ZNF385D: variants seen among roughly 807,000 people sequenced by gnomAD.
ZNF385D encodes zinc finger protein 385D.
In ZNF385D, 15 loss-of-function variants were observed where a neutral mutation model predicts 35.8. That is an observed-to-expected ratio of 0.42 (90% CI 0.28 to 0.64). The LOEUF is 0.64. Ranked by LOEUF, ZNF385D falls within the 30% of genes least tolerant of loss-of-function variation. The pLI, the probability that ZNF385D is intolerant of heterozygous loss-of-function variation, is 0.23. For synonymous variants in ZNF385D, 212 were observed against 186.8 expected (o/e 1.13, Z -1.10); for missense variants, 474 against 494.6 (o/e 0.96, Z 0.39).
intron 3 of ZNF385D, among the ~76,000 whole-genome samples, chr3:21,888,016 T>C (rs559429278): frequency 6.6e-6 from 1 of 152,282 alleles, no homozygotes; most frequent in South Asian, 2.1e-4. Context: ...TAAAATAAAG[T>C]GATTAAATGA....
Position 21,646,012 on chromosome 3 carries a change from A to C in ZNF385D, c.165+18874T>G, listed in dbSNP as rs2065740738. ...GGAGTTTAAATGAGCATTGTGTAAA[A>C]AGCTCATTCAAAGAAGCTCGGTCCT... On this transcript the variant is annotated intron_variant, in intron 2 of 7. Transcript: ENST00000281523. This position sits in a 1 kb window ranked among gnomAD's most constrained non-coding sequence, Gnocchi z 4.3. 6.6e-6 allele frequency among the ~76,000 whole-genome samples: 1 copy of C among 152,186 alleles called. No individual in the cohort carries two copies. Among genetic ancestry groups the C allele is most frequent in the Non-Finnish European group, 1.5e-5 (1 of 68,038 alleles).
chr3:22,265,268 G>T (rs1700839953), intron 2 of ZNF385D, among the ~76,000 whole-genome samples: 1 of 152,008 alleles, frequency 6.6e-6, no homozygotes, highest in Non-Finnish European at 1.5e-5. Flanking sequence ...ACCTCTCTGA[G>T]GAGGTGATGT....
chr3:21,879,734 A>G (rs1037987306), intron 3 of ZNF385D, among the ~76,000 whole-genome samples: 3 of 152,040 alleles, frequency 2.0e-5, no homozygotes, highest in African/African-American at 7.2e-5. Context: ...AGGGCACCAG[A>G]GAGTCCTCAT....
At chr3:22,353,394 T>C (rs1004336162) in intron 2 of ZNF385D, among the ~76,000 whole-genome samples, 3 of 152,218 alleles carry the variant, frequency 2.0e-5, no homozygotes, top group Non-Finnish European at 2.9e-5. Context: ...GAAAATTTCA[T>C]GCAAAATACA....
intron 3 of ZNF385D, among the ~76,000 whole-genome samples, chr3:21,817,632 C>G (rs1169840434): frequency 6.6e-6 from 1 of 152,182 alleles, no homozygotes; most frequent in Non-Finnish European, 1.5e-5. Flanking sequence ...GAGATACCAT[C>G]TCACACCAGT....
chr3:22,197,025 T>C (rs1696466415), intron 2 of ZNF385D, among the ~76,000 whole-genome samples: 1 of 152,122 alleles, frequency 6.6e-6, no homozygotes, highest in South Asian at 2.1e-4. Flanking sequence ...TTTGTAAGTA[T>C]TATTCCATAA....
At chr3:22,174,148 A>G (rs1694658522) in intron 2 of ZNF385D, among the ~76,000 whole-genome samples, 2 of 152,168 alleles carry the variant, frequency 1.3e-5, no homozygotes, top group Admixed American at 1.3e-4. Flanking sequence ...AATCATTAAT[A>G]TAAAATGAAA....
At chr3:21,604,546 A>G (rs1395543670) in intron 2 of ZNF385D, among the ~76,000 whole-genome samples, 2 of 152,228 alleles carry the variant, frequency 1.3e-5, no homozygotes. Context: ...GAGAAAAGTA[A>G]GAGTATTTTG....
At chr3:21,569,797 CTA>C (rs2063271469) in intron 2 of ZNF385D, among the ~76,000 whole-genome samples, 1 of 150,874 alleles carries the variant, frequency 6.6e-6, no homozygotes, top group African/African-American at 2.4e-5. Flanking sequence ...TCTCAGTAAA[CTA>C]TCGCAAGGAC....
chr3:22,090,090 G>A (rs913612079), intron 3 of ZNF385D, among the ~76,000 whole-genome samples: 20 of 151,978 alleles, frequency 1.3e-4, no homozygotes, highest in African/African-American at 3.6e-4. Flanking sequence ...TACTTTCCTC[G>A]GCCTCCCAAA....
chr3:22,362,397 A>T (rs1305977637), intron 2 of ZNF385D, among the ~76,000 whole-genome samples: 1 of 152,130 alleles, frequency 6.6e-6, no homozygotes, highest in Non-Finnish European at 1.5e-5. Context: ...ACTGTTCACC[A>T]AATTCCGTAG....
At chr3:21,989,837 C>T (rs1375871921) in intron 3 of ZNF385D, among the ~76,000 whole-genome samples, 1 of 152,188 alleles carries the variant, frequency 6.6e-6, no homozygotes, top group Non-Finnish European at 1.5e-5. Flanking sequence ...AGCTGTGCCA[C>T]TTTCACATGT....
In ZNF385D at chr3:21,852,881, G is replaced by C. The variant is rs151330182; in HGVS notation, c.326-187853C>G. Among the ~76,000 whole-genome samples, 385 of 151,896 alleles carry C rather than the reference G, an allele frequency of 2.5e-3. 2 individuals carry two copies. Among genetic ancestry groups the C allele is most frequent in the Middle Eastern group, 6.8e-3 (2 of 294 alleles). On this transcript the variant is annotated intron_variant, in intron 3 of 5. Transcript: ENST00000494108. Reference sequence around the variant, plus strand: ...AATAATGTTCTCTCTAAAGCCCCTGGTTAAGTCATCATGAAATACAGAATA... The same window carrying C: ...AATAATGTTCTCTCTAAAGCCCCTGCTTAAGTCATCATGAAATACAGAATA...
Position 21,646,082 on chromosome 3 carries a change from G to A in ZNF385D, c.165+18804C>T, listed in dbSNP as rs2065744114. ...AATACCTAAAAAGAATGTGGAGGCT[G>A]AGGCCAAAGTGTCAGATAAGTTTTT... On this transcript the variant is annotated intron_variant, in intron 2 of 7. Transcript: ENST00000281523. The surrounding 1 kb of genome is among the most constrained non-coding windows in gnomAD (Gnocchi z 4.3). Among the ~76,000 whole-genome samples the A allele has an allele frequency of 6.6e-6, 1 of 152,128 alleles. No individual in the cohort carries two copies. Among genetic ancestry groups the A allele is most frequent in the Admixed American group, 6.5e-5 (1 of 15,274 alleles).
intron 3 of ZNF385D, among the ~76,000 whole-genome samples, chr3:21,818,405 C>T (rs74700890): frequency 0.13 from 19,368 of 152,060 alleles, 1,552 homozygotes; most frequent in Non-Finnish European, 0.17. Context: ...TTTAAATAAT[C>T]AATGGAAAAA....
Position 21,670,305 on chromosome 3 carries a change from T to C in ZNF385D, c.23-5277A>G, listed in dbSNP as rs536526673. 3.3e-5 allele frequency among the ~76,000 whole-genome samples: 5 copies of C among 151,932 alleles called. No homozygotes were observed. In the South Asian group the frequency reaches 6.2e-4, roughly 19 times the overall value. On this transcript the variant is annotated intron_variant, in intron 1 of 7. Transcript: ENST00000281523. The stretch of plus-strand genomic sequence containing the variant: ...TTATTTATATTGACATAAATACTTA[T>C]GTTGAAATTATGTGTTTTTCAATAA...
intron 2 of ZNF385D, among the ~76,000 whole-genome samples, chr3:22,273,472 G>T (rs898317652): frequency 6.6e-6 from 1 of 151,804 alleles, no homozygotes; most frequent in African/African-American, 2.4e-5. Flanking sequence ...GTATCGAATG[G>T]GTAGAGGCCA....
intron 3 of ZNF385D, among the ~76,000 whole-genome samples, chr3:21,948,584 C>T (rs1392983317): frequency 1.3e-5 from 2 of 151,960 alleles, no homozygotes; most frequent in Non-Finnish European, 2.9e-5. Context: ...GTGAAAAATA[C>T]CAGATTTCTA....
At chr3:22,130,329 G>A (rs979843283) in intron 3 of ZNF385D, among the ~76,000 whole-genome samples, 4 of 152,076 alleles carry the variant, frequency 2.6e-5, no homozygotes, top group Non-Finnish European at 4.4e-5. Context: ...TGTACCCAAC[G>A]TCCAATGGCT....
Sources: allele counts gnomAD v4.1 joint callset (sites outside exome capture counted in the v4.1 genomes callset), GRCh38; gene constraint gnomAD v4.1.1; non-coding constraint Gnocchi (gnomAD v3.1); transcripts MANE v1.5; gene names NCBI Gene and HGNC (gene_info 2026-07-23, HGNC 2026-07-21).